EPHB2: variants seen among roughly 807,000 people sequenced by gnomAD.
EPHB2 encodes ephrin type-B receptor 2.
EPHB2 carries 18 observed loss-of-function variants against 96.4 expected under a neutral mutation model. The ratio of observed to expected loss-of-function variants is 0.19; its 90% CI spans 0.13 to 0.28. The LOEUF (loss-of-function observed/expected upper bound fraction) is 0.28. EPHB2 is among the 10% of genes least tolerant of loss of function. The probability of loss-of-function intolerance (pLI) is 1.00; values close to 1 mark genes in which losing one functional copy is unlikely to be tolerated. For missense variants in EPHB2, 989 were observed against 1,355.4 expected (o/e 0.73, Z 4.25); for synonymous variants, 506 against 534.1 (o/e 0.95, Z 0.72).
rs143217710 is a variant in EPHB2 at position 22,771,687 on chromosome 1, G to A, written c.62-9734G>A. Among the ~76,000 whole-genome samples, 26 of 152,322 alleles carry A rather than the reference G, an allele frequency of 1.7e-4. No individual in the cohort carries two copies. The East Asian group carries it at 2.9e-3, about 17-fold the overall frequency. Reference sequence around the variant, plus strand: ...AGGATCTCAGGAGATGAGTATTAACGTGGCAGGCATTGTTCCATGCACACG... The same window carrying A: ...AGGATCTCAGGAGATGAGTATTAACATGGCAGGCATTGTTCCATGCACACG... On this transcript the variant is annotated intron_variant, in intron 1 of 15. Transcript: ENST00000374630.
chr1:22,762,159 G>A (rs1055573092), intron 1 of EPHB2, among the ~76,000 whole-genome samples: 9 of 152,336 alleles, frequency 5.9e-5, no homozygotes, highest in South Asian at 2.1e-4. Flanking sequence ...TCCTGGTGGC[G>A]TATGGGAAGG....
chr1:22,838,685 T>C (rs530088271), intron 3 of EPHB2, among the ~76,000 whole-genome samples: 1 of 152,238 alleles, frequency 6.6e-6, no homozygotes, highest in Non-Finnish European at 1.5e-5. Flanking sequence ...TCCCAGCACT[T>C]TGGGAGGCCG....
Position 22,913,875 on chromosome 1 carries a change from G to C in EPHB2, c.*305G>C. On this transcript the variant is annotated 3_prime_UTR_variant, in exon 16 of 16. Transcript: ENST00000374630. The surrounding 1 kb of genome is among the most constrained non-coding windows in gnomAD (Gnocchi z 4.1). ...GACTGTTCTTGCGGGGGATAAAAAAGGGCTTGGGAGATTCATGCGATGTGT... is the reference window on the plus strand; with the variant it reads ...GACTGTTCTTGCGGGGGATAAAAAACGGCTTGGGAGATTCATGCGATGTGT... 6.3e-7 allele frequency: 1 copy of C among 1,588,606 alleles called. No homozygotes were observed. The highest frequency in any genetic ancestry group is 8.6e-7 in the Non-Finnish European group (1 of 1,169,466).
At chr1:22,749,262 C>T (rs1163432683) in intron 1 of EPHB2, among the ~76,000 whole-genome samples, 1 of 152,160 alleles carries the variant, frequency 6.6e-6, no homozygotes. Flanking sequence ...CTCAAGCGAT[C>T]TGCCCACCTT....
chr1:22,788,761 T>TTTG (rs1644649569), intron 3 of EPHB2, among the ~76,000 whole-genome samples: 1 of 150,858 alleles, frequency 6.6e-6, no homozygotes, highest in South Asian at 2.1e-4. Flanking sequence ...TTGTTTTTTT[T>TTTG]TTTTTTTTTT....
intron 1 of EPHB2, among the ~76,000 whole-genome samples, chr1:22,739,195 C>T (rs993872133): frequency 1.3e-5 from 2 of 151,884 alleles, no homozygotes; most frequent in Non-Finnish European, 2.9e-5. Context: ...CATTTGCCAC[C>T]ATGTCCAACT....
intron 9 of EPHB2, among the ~76,000 whole-genome samples, chr1:22,899,083 C>T (rs1639665426): frequency 6.6e-6 from 1 of 151,398 alleles, no homozygotes; most frequent in Non-Finnish European, 1.5e-5. Flanking sequence ...ATCCCAGCCA[C>T]TCGGGAGGCT....
At chr1:22,802,188 G>T (rs1644854053) in intron 3 of EPHB2, among the ~76,000 whole-genome samples, 1 of 152,150 alleles carries the variant, frequency 6.6e-6, no homozygotes, top group South Asian at 2.1e-4. Flanking sequence ...GACTAGCCTG[G>T]CCTATAGGAG....
rs1039096728 is a variant in EPHB2, at chr1:22,913,077, C to T, written c.2853-385C>T. On this transcript the variant is annotated intron_variant, in intron 15 of 15. Coordinates refer to ENST00000374630, the MANE Select transcript of EPHB2 (RefSeq NM_017449.5). The surrounding 1 kb of genome is among the most constrained non-coding windows in gnomAD (Gnocchi z 4.1). ...GCAAGGTGGCATGCACCTGTAATGC[C>T]AGCTACTCGGGAGGCTGAGGCAGGG... is the stretch of plus-strand genomic sequence containing the variant. 5.5e-6 allele frequency: 2 copies of T among 360,384 alleles called. No individual in the cohort carries two copies. The highest frequency in any genetic ancestry group is 1.1e-5 in the Non-Finnish European group (2 of 186,858). 22.3% of individuals were successfully genotyped at this position (360,384 alleles called of 1,614,324 possible).
intron 1 of EPHB2, among the ~76,000 whole-genome samples, chr1:22,735,710 A>T (rs1393340496): frequency 6.6e-6 from 1 of 152,162 alleles, no homozygotes; most frequent in Non-Finnish European, 1.5e-5. Flanking sequence ...AGCTTGACTC[A>T]TTTGGCTTAA....
chr1:22,827,758 T>G (rs1288204395), intron 3 of EPHB2, among the ~76,000 whole-genome samples: 1 of 152,204 alleles, frequency 6.6e-6, no homozygotes, highest in Non-Finnish European at 1.5e-5. Flanking sequence ...GAAGCCTAAT[T>G]CTGAGTGCTA....
chr1:22,763,727 C>G (rs1463949216), intron 1 of EPHB2, among the ~76,000 whole-genome samples: 1 of 152,132 alleles, frequency 6.6e-6, no homozygotes, highest in African/African-American at 2.4e-5. Context: ...AAACAAGACG[C>G]ATTTATTGTT....
At chr1:22,808,542 C>T (rs775782159) in intron 3 of EPHB2, among the ~76,000 whole-genome samples, 2 of 152,162 alleles carry the variant, frequency 1.3e-5, no homozygotes, top group African/African-American at 4.8e-5. Context: ...GTGAAACTGA[C>T]GTGTCACCGC....
intron 1 of EPHB2, among the ~76,000 whole-genome samples, chr1:22,718,830 C>T (rs1643361965): frequency 6.6e-6 from 1 of 152,238 alleles, no homozygotes; most frequent in African/African-American, 2.4e-5. Context: ...GAGTGACTGG[C>T]CCAAGGACAC....
rs1640338550 is a variant in EPHB2, at chr1:22,919,241, A to G, written c.*5671A>G. 6.6e-6 allele frequency: 1 copy of G among 152,340 alleles called. No homozygotes were observed. The highest frequency in any genetic ancestry group is 2.4e-5 in the African/African-American group (1 of 41,456). 9.4% of individuals were successfully genotyped at this position (152,340 alleles called of 1,614,324 possible). On this transcript the variant is annotated 3_prime_UTR_variant, in exon 16 of 16. Transcript: ENST00000374630. ...TAGACAGGGATTAAGAAAAAGCAGG[A>G]CATTTTCAGATAGGATGCCCAAACC... is the stretch of plus-strand genomic sequence containing the variant.
At position 22,822,614 on chromosome 1, in the gene EPHB2, C is replaced by T. The variant is rs769523436; in HGVS notation, c.811+37538C>T. Among the ~76,000 whole-genome samples the T allele has an allele frequency of 5.9e-5, 9 of 152,206 alleles. No individual in the cohort carries two copies. In the East Asian group the frequency reaches 9.6e-4, roughly 16 times the overall value. On this transcript the variant is annotated intron_variant, in intron 3 of 15. Coordinates refer to ENST00000374630, the MANE Select transcript of EPHB2 (RefSeq NM_017449.5). ...ATTGTGACCTTGCCCTGATGGGATA[C>T]GGGTCTGGAGCCACCATCACAGAGC...
intron 3 of EPHB2, among the ~76,000 whole-genome samples, chr1:22,820,947 G>C (rs964505317): frequency 5.9e-5 from 9 of 152,268 alleles, no homozygotes; most frequent in African/African-American, 2.2e-4. Flanking sequence ...GCATCAGTTT[G>C]GATTATGAGT....
At chr1:22,849,181 C>T (rs1645587322) in intron 3 of EPHB2, among the ~76,000 whole-genome samples, 1 of 152,178 alleles carries the variant, frequency 6.6e-6, no homozygotes, top group Non-Finnish European at 1.5e-5. Flanking sequence ...GATTTTCCCA[C>T]CTTTGCAAAT....
rs112008840 is a variant in EPHB2, at chr1:22,906,339, C to G, written c.1888+230C>G. On this transcript the variant is annotated intron_variant, in intron 10 of 15. Transcript: ENST00000374630. The surrounding 1 kb of genome is among the most constrained non-coding windows in gnomAD (Gnocchi z 4.8). The stretch of plus-strand genomic sequence containing the variant: ...AGGCACAGGGCTGGGAGGGGACATG[C>G]ACAGTGAGTCAGAGATTGAGCTGGG... Among the ~76,000 whole-genome samples, 34 of 152,282 alleles carry G rather than the reference C, an allele frequency of 2.2e-4. No individual in the cohort carries two copies. The highest frequency in any genetic ancestry group is 6.8e-3 in the Middle Eastern group (2 of 292).
Sources: gnomAD v4.1 joint callset for allele counts (sites outside exome capture counted in the v4.1 genomes callset) on GRCh38, gnomAD v4.1.1 for gene constraint, Gnocchi (gnomAD v3.1) non-coding constraint, MANE v1.5 for transcripts, NCBI Gene and HGNC (gene_info 2026-07-23, HGNC 2026-07-21) for gene names.